Variants in CCDC40 observed in about 807,000 individuals in gnomAD.
The protein encoded by CCDC40 is coiled-coil domain-containing protein 40.
CCDC40 carries 104 observed loss-of-function variants against 124.5 expected under a neutral mutation model. That is an observed-to-expected ratio of 0.84 (90% CI 0.71 to 0.98). The LOEUF is 0.98. CCDC40 is among the 50% of genes least tolerant of loss of function. The pLI, the probability that CCDC40 is intolerant of heterozygous loss-of-function variation, is 0.00. For missense variants in CCDC40, 1,463 were observed against 1,503.9 expected (o/e 0.97, Z 0.45); for synonymous variants, 580 against 602.9 (o/e 0.96, Z 0.56).
At chr17:80,064,259 A>G (rs994726925) in intron 9 of CCDC40, among the ~76,000 whole-genome samples, 1 of 152,144 alleles carries the variant, frequency 6.6e-6, no homozygotes, top group Non-Finnish European at 1.5e-5. Flanking sequence ...GTTCTAGCGC[A>G]CTGTGGTTCA....
Position 80,097,320 on chromosome 17 carries a change from A to T in CCDC40, c.3097A>T (p.Lys1033Ter), listed in dbSNP as rs863224519. The T allele has an allele frequency of 8.1e-6, 13 of 1,613,774 alleles. No homozygotes were observed. The highest frequency in any genetic ancestry group is 1.7e-5 in the Admixed American group (1 of 59,998). Residue 1033 changes from lysine (K) to a stop codon, truncating the protein, a stop_gained, in exon 19 of 20, where the codon AAG (lysine) becomes TAG (stop). Transcript: ENST00000397545. LOFTEE classifies it high-confidence loss of function. Reference protein sequence around the residue: ...QRNVSSSLLEKQEKLSVIQAD... With the variant: ...QRNVSSSLLE ...AAATGTGAGCAGCTCCCTCCTAGAGAAGCAGGAAAAGCTGTCGGTGATTCA... is the reference window on the plus strand; with the variant it reads ...AAATGTGAGCAGCTCCCTCCTAGAGTAGCAGGAAAAGCTGTCGGTGATTCA...
intron 10 of CCDC40, among the ~76,000 whole-genome samples, chr17:80,080,807 C>G (rs9319623): frequency 0.8 from 121,488 of 152,064 alleles, 49,346 homozygotes; most frequent in African/African-American, 0.94. Flanking sequence ...TGGCTATTGG[C>G]TGCAAAAATA....
rs548947516 is a variant in CCDC40 at position 80,039,755 on chromosome 17, C to T, written c.94-57C>T. 115 of 1,585,802 alleles carry T rather than the reference C, an allele frequency of 7.3e-5. No homozygotes were observed. The East Asian group carries it at 2.3e-3, about 32-fold the overall frequency. The stretch of plus-strand genomic sequence containing the variant: ...TATAATTACACTATAAAGAATAAAA[C>T]CTCACAAGGTCCTTTATACTTTGTT... On this transcript the variant is annotated intron_variant, in intron 2 of 19. Coordinates refer to ENST00000397545, the MANE Select transcript of CCDC40 (RefSeq NM_017950.4).
intron 18 of CCDC40, among the ~76,000 whole-genome samples, chr17:80,096,315 C>T (rs900950060): frequency 1.1e-4 from 17 of 152,232 alleles, no homozygotes. Flanking sequence ...CTCTCAGAGT[C>T]ACCCAGAGGG....
intron 7 of CCDC40, among the ~76,000 whole-genome samples, chr17:80,056,016 A>ATATATTTTTTTTTTTTTTT (rs71163913): frequency 2.0e-4 from 2 of 10,250 alleles, no homozygotes; most frequent in East Asian, 4.2e-3. Context: ...ATATATATAT[A>ATATATTTTTTTTTTTTTTT]TTTTTTTTTT....
rs1567819753 is a variant in CCDC40 at position 80,099,629 on chromosome 17, C to CT, written c.3284dup (p.Glu1096GlyfsTer90). The CT allele has an allele frequency of 6.2e-7, 1 of 1,613,726 alleles. No homozygotes were observed. The highest frequency in any genetic ancestry group is 8.5e-7 in the Non-Finnish European group (1 of 1,180,034). ...GTTCCGCTCCAAGCAGTCCCTAGTG[C>CT]TGGAGCGCCAGCGCCTGGACAAGCG... On this transcript the variant is annotated frameshift_variant, in exon 20 of 20. Transcript: ENST00000397545. LOFTEE classifies it low-confidence loss of function (END_TRUNC).
At position 80,099,731 on chromosome 17, in the gene CCDC40, A is replaced by G; in HGVS notation, c.3385A>G (p.Ser1129Gly). The change falls in exon 20 of 20, where the codon AGC (serine) becomes GGC (glycine). Residue 1129 changes from serine (S) to glycine (G), a missense_variant. Transcript: ENST00000397545. ...PQFQEALHKV[S>G]QMIANKLESP... is the part of the protein sequence containing the mutation. ...GTTCCAGGAGGCCCTGCACAAGGTCAGCCAGATGATCGCCAACAAGCTCGA... is the reference window on the plus strand; with the variant it reads ...GTTCCAGGAGGCCCTGCACAAGGTCGGCCAGATGATCGCCAACAAGCTCGA... The G allele has an allele frequency of 6.2e-7, 1 of 1,613,660 alleles. No individual in the cohort carries two copies.
In CCDC40 at chr17:80,089,818, C is replaced by T; in HGVS notation, c.2766C>T (p.Ser922=). 1 of 1,614,252 alleles carries T rather than the reference C, an allele frequency of 6.2e-7. No individual in the cohort carries two copies. The highest frequency in any genetic ancestry group is 8.5e-7 in the Non-Finnish European group (1 of 1,180,040). ...KKIQLAKEMR[S]SVDSEIGQTE... is the part of the protein sequence containing the mutation. ...TCCAACTGGCAAAAGAGATGCGTTC[C>T]TCAGTGGATTCCGAGATCGGCCAGA... Residue 922 remains serine (S), a synonymous_variant, in exon 17 of 20, where the codon TCC becomes TCT. Transcript: ENST00000397545.
At position 80,097,349 on chromosome 17, in the gene CCDC40, A is replaced by C; in HGVS notation, c.3126A>C (p.Ala1042=). 1.2e-6 allele frequency: 2 copies of C among 1,614,006 alleles called. No homozygotes were observed. The highest frequency in any genetic ancestry group is 1.7e-6 in the Non-Finnish European group (2 of 1,180,036). ...EKQEKLSVIQ[A]DFDTLEADLT... is the part of the protein sequence containing the mutation. ...AGGAAAAGCTGTCGGTGATTCAGGC[A>C]GACTTCGACACACTCGAGGCCGACC... is the stretch of plus-strand genomic sequence containing the variant. The change falls in exon 19 of 20, where the codon GCA becomes GCC. Residue 1042 remains alanine, a synonymous_variant. Transcript: ENST00000397545.
Position 80,099,697 on chromosome 17 carries a change from G to A in CCDC40, c.3351G>A (p.Glu1117=). The A allele has an allele frequency of 1.9e-6, 3 of 1,613,878 alleles. No homozygotes were observed. Among genetic ancestry groups the A allele is most frequent in the Non-Finnish European group, 1.7e-6 (2 of 1,180,042 alleles). Residue 1117 remains glutamate, a synonymous_variant, in exon 20 of 20, where the codon GAG becomes GAA. Transcript: ENST00000397545. ...IATILDRVRD[E]YPQFQEALHK... is the part of the protein sequence containing the mutation. ...CCATCCTGGACCGCGTGCGGGACGA[G>A]TACCCCCAGTTCCAGGAGGCCCTGC...
At chr17:80,077,888 G>GA (rs1458290016) in intron 10 of CCDC40, among the ~76,000 whole-genome samples, 4 of 152,130 alleles carry the variant, frequency 2.6e-5, no homozygotes, top group African/African-American at 9.7e-5. Context: ...CGTGTGCTTT[G>GA]AAAATATTTT....
chr17:80,078,145 C>A (rs962609035), intron 10 of CCDC40, among the ~76,000 whole-genome samples: 3 of 151,922 alleles, frequency 2.0e-5, no homozygotes, highest in Admixed American at 2.0e-4. Flanking sequence ...TCCTGGCTAA[C>A]ACGGTGAAAC....
chr17:80,067,321 C>T (rs991517067), intron 10 of CCDC40: 13 of 580,760 alleles, frequency 2.2e-5, no homozygotes, highest in Middle Eastern at 4.5e-4. Flanking sequence ...CTCCTCGGCC[C>T]GCAGTCACTA....
chr17:80,059,064 A>T, intron 9 of CCDC40, 84 bp downstream of exon 9: 1 of 1,543,566 alleles, frequency 6.5e-7, no homozygotes, highest in South Asian at 1.1e-5. Flanking sequence ...ACTAGACTGC[A>T]CCTGCCCGTC....
chr17:80,094,904 A>G (rs907294511), intron 17 of CCDC40, among the ~76,000 whole-genome samples: 4 of 152,088 alleles, frequency 2.6e-5, no homozygotes, highest in Non-Finnish European at 5.9e-5. Flanking sequence ...ATTAACCTTC[A>G]TGCAATACTG....
chr17:80,069,448 CT>C (rs1464400785), intron 10 of CCDC40, among the ~76,000 whole-genome samples: 1 of 152,140 alleles, frequency 6.6e-6, no homozygotes, highest in African/African-American at 2.4e-5. Flanking sequence ...TTAAGTCGAC[CT>C]GAGGAAGCTG....
rs191736683 is a variant in CCDC40, at chr17:80,081,656, C to G, written c.1673C>G (p.Thr558Arg). 3.2e-3 allele frequency: 5,148 copies of G among 1,614,206 alleles called. 5 individuals carry two copies. The highest frequency in any genetic ancestry group is 4.0e-3 in the Non-Finnish European group (4,704 of 1,180,046). ...AAGCTGGCGAGCATCCTGAACCGGA[C>G]AGAGACGGAAGCCACACTGCTGCAG... ...NEKLASILNRTETEATLLQKL... is the reference protein window; with the variant it reads ...NEKLASILNRRETEATLLQKL... Residue 558 changes from threonine (T) to arginine (R), a missense_variant, in exon 11 of 20, where the codon ACA becomes AGA. Physicochemically the swap from Thr to Arg is moderately conservative, Grantham distance 71 (BLOSUM62 -1). Coordinates refer to ENST00000397545, the MANE Select transcript of CCDC40 (RefSeq NM_017950.4).
rs1388594344 is a variant in CCDC40, at chr17:80,066,472, T to A, written c.1562+866T>A. ...ATAATATTGGATTAACCATACTCAT[T>A]TCTGGCCAGGCGCAGTGGCTCGCAC... On this transcript the variant is annotated intron_variant, in intron 10 of 19. Transcript: ENST00000397545. This position sits in a 1 kb window ranked among gnomAD's most constrained non-coding sequence, Gnocchi z 4.4. 1 of 331,746 alleles carries A rather than the reference T, an allele frequency of 3.0e-6. No homozygotes were observed. The highest frequency in any genetic ancestry group is 5.6e-6 in the Non-Finnish European group (1 of 179,620). 20.6% of individuals were successfully genotyped at this position (331,746 alleles called of 1,614,324 possible).
At chr17:80,084,001 G>A (rs1398456378) in intron 12 of CCDC40, among the ~76,000 whole-genome samples, 1 of 152,184 alleles carries the variant, frequency 6.6e-6, no homozygotes, top group Non-Finnish European at 1.5e-5. Flanking sequence ...GAATTATATA[G>A]AAAAGACTGG....
Sources: allele counts gnomAD v4.1 joint callset (sites outside exome capture counted in the v4.1 genomes callset), GRCh38; gene constraint gnomAD v4.1.1; non-coding constraint Gnocchi (gnomAD v3.1); transcripts MANE v1.5; gene names NCBI Gene and HGNC (gene_info 2026-07-23, HGNC 2026-07-21).